The following FSTL1 variants were observed in gnomAD, a reference collection of about 807,000 sequenced individuals.
The protein encoded by FSTL1 is follistatin like 1, also known as follistatin-related protein 1.
A neutral mutation model predicts 45.9 loss-of-function variants in FSTL1; 24 were observed. That is an observed-to-expected ratio of 0.52 (90% CI 0.38 to 0.74). FSTL1 has a LOEUF of 0.74. FSTL1 is among the 30% of genes least tolerant of loss of function. The pLI is 0.00. For missense variants in FSTL1, 340 were observed against 381.8 expected (o/e 0.89, Z 0.91); for synonymous variants, 120 against 137.6 (o/e 0.87, Z 0.89).
intron 7 of FSTL1, among the ~76,000 whole-genome samples, chr3:120,404,050 G>A (rs912860061): frequency 6.6e-6 from 1 of 150,622 alleles, no homozygotes. Flanking sequence ...TTTGAGCCCT[G>A]GCTCAATCAC....
rs771009480 is a variant in FSTL1, at chr3:120,399,914, G to A, written c.851C>T (p.Thr284Ile). The A allele has an allele frequency of 6.2e-6, 10 of 1,609,048 alleles. No individual in the cohort carries two copies. In the South Asian group the frequency reaches 8.9e-5, roughly 14 times the overall value. ...GAQTQTEEEM[T>I]RYVQELQKHQ... ...CTTTTGGAGCTCCTGGACATATCTG[G>A]TCATCTCCTCCTCTGTCTGGGTCTG... The change falls in exon 10 of 11, where the codon ACC becomes ATC. Residue 284 changes from threonine to isoleucine, a missense_variant. Coordinates refer to ENST00000295633, the MANE Select transcript of FSTL1 (RefSeq NM_007085.5).
At chr3:120,442,081 C>T (rs978936650) in intron 2 of FSTL1, among the ~76,000 whole-genome samples, 3 of 152,204 alleles carry the variant, frequency 2.0e-5, no homozygotes, top group Admixed American at 2.0e-4. Flanking sequence ...GAGGATTCTC[C>T]TGGTGAAATC....
intron 2 of FSTL1, 148 bp downstream of exon 2, chr3:120,450,536 T>TGCCCCAGCTCC (rs1361961728): frequency 2.0e-6 from 1 of 495,184 alleles, no homozygotes; most frequent in South Asian, 3.2e-5. Context: ...GCAGCATTAC[T>TGCCCCAGCTCC]GCCCCAGCTC....
At chr3:120,444,376 C>T (rs1457944229) in intron 2 of FSTL1, among the ~76,000 whole-genome samples, 1 of 149,610 alleles carries the variant, frequency 6.7e-6, no homozygotes, top group African/African-American at 2.6e-5. Context: ...GTAGGATTTT[C>T]AAACCTTCTC....
At chr3:120,412,858 A>G (rs1192870382) in intron 3 of FSTL1, among the ~76,000 whole-genome samples, 1 of 151,622 alleles carries the variant, frequency 6.6e-6, no homozygotes, top group Non-Finnish European at 1.5e-5. Flanking sequence ...ACACACACAC[A>G]CACACACACA....
At chr3:120,419,663 G>C (rs1157539717) in intron 2 of FSTL1, 2 of 152,328 alleles carry the variant, frequency 1.3e-5, no homozygotes, top group Non-Finnish European at 2.9e-5. Context: ...TGAGAACCTT[G>C]GAAGGTTTGG....
chr3:120,440,809 G>A (rs1272712803), intron 2 of FSTL1, among the ~76,000 whole-genome samples: 1 of 152,238 alleles, frequency 6.6e-6, no homozygotes, highest in Non-Finnish European at 1.5e-5. Flanking sequence ...TCCTACTGCA[G>A]CCCAGACACT....
At chr3:120,429,800 T>C (rs1009041328) in intron 2 of FSTL1, among the ~76,000 whole-genome samples, 30 of 152,208 alleles carry the variant, frequency 2.0e-4, no homozygotes, top group African/African-American at 7.2e-4. Context: ...TCTTTGCTTC[T>C]AAGTCTTGAT....
chr3:120,415,320 T>C (rs1274268920), intron 3 of FSTL1, among the ~76,000 whole-genome samples: 1 of 152,232 alleles, frequency 6.6e-6, no homozygotes, highest in Non-Finnish European at 1.5e-5. Context: ...AATGTCCATC[T>C]ATGGGAAAAT....
At chr3:120,414,151 C>G (rs1306906872) in intron 3 of FSTL1, among the ~76,000 whole-genome samples, 1 of 152,142 alleles carries the variant, frequency 6.6e-6, no homozygotes, top group African/African-American at 2.4e-5. Flanking sequence ...CTCCCAGCCG[C>G]CTGCCTTGGC....
intron 5 of FSTL1, 165 bp downstream of exon 5, chr3:120,410,787 G>C (rs1185977961): frequency 1.4e-6 from 1 of 730,690 alleles, no homozygotes; most frequent in Non-Finnish European, 2.5e-6. Flanking sequence ...CACAAATGTA[G>C]TTTTGCAGCT....
chr3:120,444,577 C>T (rs1002095948), intron 2 of FSTL1, among the ~76,000 whole-genome samples: 5 of 149,760 alleles, frequency 3.3e-5, no homozygotes, highest in Non-Finnish European at 5.9e-5. Flanking sequence ...GACATCGTGA[C>T]GATTCTTGTG....
At chr3:120,434,127 C>T (rs1200602105) in intron 2 of FSTL1, among the ~76,000 whole-genome samples, 1 of 152,084 alleles carries the variant, frequency 6.6e-6, no homozygotes, top group East Asian at 1.9e-4. Context: ...ATAGTCCAGG[C>T]ACAATGATGG....
chr3:120,404,747 A>C, intron 7 of FSTL1, 106 bp downstream of exon 7: 1 of 719,906 alleles, frequency 1.4e-6, no homozygotes, highest in Non-Finnish European at 2.6e-6. Context: ...TTTTTACGTG[A>C]CATTCTCTCA....
chr3:120,392,669 T>C lies in FSTL1; in HGVS notation c.*4283A>G, dbSNP rs1936616289. 6.6e-6 allele frequency: 1 copy of C among 152,242 alleles called. No homozygotes were observed. The allele number at this position is 152,242 out of a possible 1,614,324, so 9.4% of individuals were successfully genotyped here. On this transcript the variant is annotated 3_prime_UTR_variant, in exon 11 of 11. Transcript: ENST00000295633. ...ACAGGAAGACCCTCCTTCCTATTCATACAGCAACATTTTACTTCCTATGTC... is the reference window on the plus strand; with the variant it reads ...ACAGGAAGACCCTCCTTCCTATTCACACAGCAACATTTTACTTCCTATGTC...
intron 2 of FSTL1, among the ~76,000 whole-genome samples, chr3:120,420,288 C>G (rs1447625642): frequency 6.6e-6 from 1 of 152,160 alleles, no homozygotes; most frequent in Non-Finnish European, 1.5e-5. Flanking sequence ...AGTATGAGGT[C>G]ACAGGCAGGT....
intron 2 of FSTL1, among the ~76,000 whole-genome samples, chr3:120,432,964 T>C (rs1733298): frequency 0.57 from 87,161 of 152,062 alleles, 28,467 homozygotes; most frequent in East Asian, 0.75. Flanking sequence ...GTTTTATCCA[T>C]ACTGGAAACA....
At position 120,450,981 on chromosome 3, in the gene FSTL1, C is replaced by G. The variant is rs1029003020; in HGVS notation, c.-85G>C. ...CGGAGGTGGGAGCTCCGCCGATCGC[C>G]AGCCTCGGAGGAAATGCGACCTCCC... On this transcript the variant is annotated 5_prime_UTR_variant, in exon 1 of 11. Coordinates refer to ENST00000295633, the MANE Select transcript of FSTL1 (RefSeq NM_007085.5). The G allele has an allele frequency of 2.2e-5, 10 of 459,708 alleles. No homozygotes were observed. Among genetic ancestry groups the G allele is most frequent in the Non-Finnish European group, 3.4e-5 (9 of 260,916 alleles). The allele number at this position is 459,708 out of a possible 1,614,324, so 28.5% of individuals were successfully genotyped here. A position where few individuals can be genotyped will look rare whatever the true frequency, so the allele number is the denominator to read the frequency against.
In FSTL1 at chr3:120,445,506, T is replaced by A. The variant is rs976436427; in HGVS notation, c.63+5178A>T. On this transcript the variant is annotated intron_variant, in intron 2 of 10. Coordinates refer to ENST00000295633, the MANE Select transcript of FSTL1 (RefSeq NM_007085.5). ...TTTCTTCATGGTAACTTTTCCTGTA[T>A]GTAACTTCATGGTAACATACAGGTT... Among the ~76,000 whole-genome samples, 2 of 149,268 alleles carry A rather than the reference T, an allele frequency of 1.3e-5. 1 individual carries two copies. Among genetic ancestry groups the A allele is most frequent in the African/African-American group, 5.2e-5 (2 of 38,648 alleles).
Sources: allele counts gnomAD v4.1 joint callset (sites outside exome capture counted in the v4.1 genomes callset), GRCh38; gene constraint gnomAD v4.1.1; transcripts MANE v1.5; gene names NCBI Gene and HGNC (gene_info 2026-07-23, HGNC 2026-07-21).